The following PREX1 variants were observed in gnomAD, a reference collection of about 807,000 sequenced individuals.
PREX1 encodes phosphatidylinositol-3,4,5-trisphosphate dependent Rac exchange factor 1.
PREX1 carries 41 observed loss-of-function variants against 198.3 expected under a neutral mutation model. The ratio of observed to expected loss-of-function variants is 0.21; its 90% CI spans 0.16 to 0.27. The LOEUF is 0.27. Ranked by LOEUF, PREX1 falls within the 10% of genes least tolerant of loss-of-function variation. The pLI is 1.00. For synonymous variants in PREX1, 843 were observed against 887.2 expected, an observed-to-expected ratio of 0.95 and a Z score of 0.89; for missense variants, 1,620 against 2,200.7, an observed-to-expected ratio of 0.74 and a Z score of 5.28.
chr20:48,841,515 T>C, the PREX1 span, among the ~76,000 whole-genome samples: 23,816 of 152,238 alleles, frequency 0.16, 2,045 homozygotes, highest in Non-Finnish European at 0.19. Context: ...TTATGCCATG[T>C]TTCTTAGTCT....
intron 15 of PREX1, among the ~76,000 whole-genome samples, chr20:48,664,321 G>T (rs566551176): frequency 6.6e-6 from 1 of 151,694 alleles, no homozygotes; most frequent in East Asian, 1.9e-4. Flanking sequence ...CTTGCAGTGA[G>T]CCGAGATCCT....
At chr20:48,708,818 A>T (rs896770423) in intron 5 of PREX1, among the ~76,000 whole-genome samples, 2 of 152,226 alleles carry the variant, frequency 1.3e-5, no homozygotes, top group Middle Eastern at 3.4e-3. Flanking sequence ...TGTAATGAGG[A>T]ACAGAAAGGA....
At chr20:48,716,105 A>G (rs1277258743) in intron 5 of PREX1, among the ~76,000 whole-genome samples, 1 of 152,174 alleles carries the variant, frequency 6.6e-6, no homozygotes, top group Non-Finnish European at 1.5e-5. Flanking sequence ...GAGTGCAGGG[A>G]AGAGAGGGGT....
At chr20:48,712,031 T>C (rs1379520265) in intron 5 of PREX1, among the ~76,000 whole-genome samples, 2 of 152,218 alleles carry the variant, frequency 1.3e-5, no homozygotes, top group Non-Finnish European at 2.9e-5. Context: ...AGACGTTGTT[T>C]AAGCCACTCT....
At chr20:48,652,958 C>T (rs201355620) in intron 20 of PREX1, among the ~76,000 whole-genome samples, 1 of 152,172 alleles carries the variant, frequency 6.6e-6, no homozygotes, top group Non-Finnish European at 1.5e-5. Flanking sequence ...TGGTGCACAG[C>T]AGGTGCCCAA....
At chr20:48,739,477 T>C (rs886236515) in intron 3 of PREX1, among the ~76,000 whole-genome samples, 1 of 152,250 alleles carries the variant, frequency 6.6e-6, no homozygotes, top group African/African-American at 2.4e-5. Context: ...TTGCTAAATC[T>C]AGCAGCCCTG....
chr20:48,826,184 C>A (rs2090507831), intron 1 of PREX1, among the ~76,000 whole-genome samples: 1 of 151,244 alleles, frequency 6.6e-6, no homozygotes, highest in South Asian at 2.1e-4. Context: ...GCTCTAGGGT[C>A]TTTGAAAGAG....
chr20:48,803,412 C>G (rs539295881), intron 1 of PREX1, among the ~76,000 whole-genome samples: 2 of 152,258 alleles, frequency 1.3e-5, no homozygotes, highest in African/African-American at 4.8e-5. Flanking sequence ...TCCCCGAAAG[C>G]CATGCCATCT....
At chr20:48,786,674 G>C (rs577579680) in intron 1 of PREX1, among the ~76,000 whole-genome samples, 1 of 151,838 alleles carries the variant, frequency 6.6e-6, no homozygotes, top group African/African-American at 2.4e-5. Context: ...GAACCCGGGA[G>C]GCAGAGGTTG....
At chr20:48,769,299 GC>G (rs1462207959) in intron 1 of PREX1, among the ~76,000 whole-genome samples, 1 of 152,112 alleles carries the variant, frequency 6.6e-6, no homozygotes, top group Non-Finnish European at 1.5e-5. Context: ...ATGAGGGGCT[GC>G]CCCGTTGAAT....
chr20:48,833,280 G>A, the PREX1 span, among the ~76,000 whole-genome samples: 1 of 152,128 alleles, frequency 6.6e-6, no homozygotes, highest in Non-Finnish European at 1.5e-5. Flanking sequence ...CTAACTAACT[G>A]AAGGTGCAAA....
intron 1 of PREX1, among the ~76,000 whole-genome samples, chr20:48,800,536 A>G (rs1005087608): frequency 2.4e-4 from 36 of 152,166 alleles, no homozygotes; most frequent in Admixed American, 2.2e-3. Flanking sequence ...CTCACCACAC[A>G]GTGGTCCTGT....
In PREX1 at chr20:48,827,629, G is replaced by T; in HGVS notation, c.219+13C>A. On this transcript the variant is annotated intron_variant, in intron 1 of 39. Transcript: ENST00000371941. This position sits in a 1 kb window ranked among gnomAD's most constrained non-coding sequence, Gnocchi z 4.1. ...GAGGGAAAGCTGTCCCCAAGCTCCC[G>T]AGCGACACTCACCGACTGCAAGAAG... 7.7e-7 allele frequency: 1 copy of T among 1,290,676 alleles called. No homozygotes were observed. The highest frequency in any genetic ancestry group is 9.9e-7 in the Non-Finnish European group (1 of 1,007,046). The allele number at this position is 1,290,676 out of a possible 1,614,324, so 80.0% of individuals were successfully genotyped here. A position where few individuals can be genotyped will look rare whatever the true frequency, so the allele number is the denominator to read the frequency against.
chr20:48,800,347 T>A (rs895998979), intron 1 of PREX1, among the ~76,000 whole-genome samples: 3 of 152,206 alleles, frequency 2.0e-5, no homozygotes, highest in African/African-American at 7.2e-5. Flanking sequence ...AGGGGTTTCC[T>A]GAGATGTGGG....
At chr20:48,834,352 TG>T in the PREX1 span, among the ~76,000 whole-genome samples, 1 of 152,202 alleles carries the variant, frequency 6.6e-6, no homozygotes, top group Non-Finnish European at 1.5e-5. Context: ...CACATTTATA[TG>T]TCTGGGTTAT....
In PREX1 at chr20:48,646,064, A is replaced by C; in HGVS notation, c.3306-7T>G. 6.2e-7 allele frequency: 1 copy of C among 1,612,528 alleles called. No individual in the cohort carries two copies. The highest frequency in any genetic ancestry group is 1.1e-5 in the South Asian group (1 of 91,076). On this transcript the variant is annotated splice_region_variant and splice_polypyrimidine_tract_variant and intron_variant, in intron 25 of 39. Coordinates refer to ENST00000371941, the MANE Select transcript of PREX1 (RefSeq NM_020820.4). ...TGTGATGGTGGACAGCAGCCTACGG[A>C]AGCAAAGACCTTGAAGTCAAAGATA... is the stretch of plus-strand genomic sequence containing the variant.
Position 48,659,870 on chromosome 20 carries a change from T to C in PREX1, c.1881+49A>G, listed in dbSNP as rs73911617. 1.4e-3 allele frequency: 2,293 copies of C among 1,611,496 alleles called. 21 individuals are homozygous for C. Among genetic ancestry groups the C allele is most frequent in the South Asian group, 0.012 (1,107 of 90,988 alleles). ...CAGAAGGTCGCCCAGCTCCCATGCC[T>C]GCAGGGGGCTCTGGCAAGGAAGGGA... On this transcript the variant is annotated intron_variant, in intron 16 of 39. Coordinates refer to ENST00000371941, the MANE Select transcript of PREX1 (RefSeq NM_020820.4).
the PREX1 span, among the ~76,000 whole-genome samples, chr20:48,843,993 A>G: frequency 1.5e-4 from 23 of 152,034 alleles, no homozygotes; most frequent in African/African-American, 5.3e-4. Flanking sequence ...AAAAAAAGTT[A>G]GCCAGGCATG....
At chr20:48,787,197 G>A (rs577518574) in intron 1 of PREX1, among the ~76,000 whole-genome samples, 89 of 152,262 alleles carry the variant, frequency 5.8e-4, no homozygotes, top group African/African-American at 2.1e-3. Flanking sequence ...CCCTGAGGAG[G>A]CCTGGGGAGG....
Sources: gnomAD v4.1 joint callset for allele counts (sites outside exome capture counted in the v4.1 genomes callset) on GRCh38, gnomAD v4.1.1 for gene constraint, Gnocchi (gnomAD v3.1) non-coding constraint, MANE v1.5 for transcripts, NCBI Gene and HGNC (gene_info 2026-07-23, HGNC 2026-07-21) for gene names.